AKT3: variants seen among roughly 807,000 people sequenced by gnomAD.
AKT3 encodes RAC-gamma serine/threonine-protein kinase.
AKT3 carries 15 observed loss-of-function variants against 65.3 expected under a neutral mutation model. That is an observed-to-expected ratio of 0.23 (90% CI 0.15 to 0.35). The LOEUF (loss-of-function observed/expected upper bound fraction) is 0.35, where lower values mean the gene tolerates loss of function less well. Among genes scored for constraint, AKT3 ranks in the 10% least tolerant of loss-of-function variants. The pLI, the probability that AKT3 is intolerant of heterozygous loss-of-function variation, is 1.00. For missense variants in AKT3, 243 were observed against 576.5 expected (o/e 0.42, Z 5.92); for synonymous variants, 206 against 183.8 (o/e 1.12, Z -0.98).
intron 2 of AKT3, among the ~76,000 whole-genome samples, chr1:243,784,993 G>A (rs899496091): frequency 6.6e-6 from 1 of 151,750 alleles, no homozygotes; most frequent in African/African-American, 2.4e-5. Flanking sequence ...TCAACTCCCG[G>A]CTTAAGTGAT....
chr1:243,801,253 T>C (rs1330370835), intron 2 of AKT3, among the ~76,000 whole-genome samples: 2 of 152,184 alleles, frequency 1.3e-5, no homozygotes, highest in South Asian at 2.1e-4. Context: ...TTAAAAACAA[T>C]TTCTATTATC....
chr1:243,558,144 T>C (rs1673530022), intron 10 of AKT3, among the ~76,000 whole-genome samples: 1 of 152,122 alleles, frequency 6.6e-6, no homozygotes, highest in Non-Finnish European at 1.5e-5. Flanking sequence ...TTGTTGGATT[T>C]AAAATAAAGA....
At chr1:243,529,008 G>A (rs893949325) in intron 12 of AKT3, among the ~76,000 whole-genome samples, 1 of 152,164 alleles carries the variant, frequency 6.6e-6, no homozygotes, top group Admixed American at 6.5e-5. Flanking sequence ...ACTGGTGTGA[G>A]ATGGTATCTC....
intron 8 of AKT3, among the ~76,000 whole-genome samples, chr1:243,582,465 A>G (rs896236246): frequency 7.1e-6 from 1 of 141,088 alleles, no homozygotes; most frequent in East Asian, 2.1e-4. Flanking sequence ...AAAAAAAAAA[A>G]AAAAAAGAAA....
At chr1:243,610,479 C>G (rs77302401) in intron 8 of AKT3, among the ~76,000 whole-genome samples, 1,529 of 152,224 alleles carry the variant, frequency 0.01, 28 homozygotes, top group African/African-American at 0.036. Context: ...ACACACAATA[C>G]CGTTTAAAAA....
chr1:243,685,175 T>C (rs1684202074), intron 3 of AKT3, among the ~76,000 whole-genome samples: 1 of 152,248 alleles, frequency 6.6e-6, no homozygotes, highest in South Asian at 2.1e-4. Flanking sequence ...CGTTTGTCAA[T>C]TTTGGCTTTT....
chr1:243,526,813 A>AAAAAAT (rs1671133712), intron 12 of AKT3, among the ~76,000 whole-genome samples: 1 of 143,480 alleles, frequency 7.0e-6, no homozygotes, highest in African/African-American at 2.6e-5. Flanking sequence ...AAAAAAAAAA[A>AAAAAAT]AATTTAGACT....
At chr1:243,627,574 G>C (rs767321244) in intron 6 of AKT3, among the ~76,000 whole-genome samples, 1 of 152,044 alleles carries the variant, frequency 6.6e-6, no homozygotes, top group Non-Finnish European at 1.5e-5. Flanking sequence ...ACATTATGAC[G>C]GTATCAGAAA....
At chr1:243,546,102 T>TA (rs1672654342) in intron 11 of AKT3, among the ~76,000 whole-genome samples, 1 of 152,162 alleles carries the variant, frequency 6.6e-6, no homozygotes, top group Non-Finnish European at 1.5e-5. Context: ...GTTCTCATGA[T>TA]AGTCAATAAG....
Position 243,715,866 on chromosome 1 carries a change from C to CAAAAG in AKT3, c.47-20151_47-20150insCTTTT, listed in dbSNP as rs1268721584. 3.9e-4 allele frequency among the ~76,000 whole-genome samples: 60 copies of CAAAAG among 151,992 alleles called. No homozygotes were observed. The South Asian group carries it at 0.012, about 30-fold the overall frequency. On this transcript the variant is annotated intron_variant, in intron 2 of 13. Coordinates refer to ENST00000673466, the MANE Select transcript of AKT3 (RefSeq NM_005465.7). ...AGGATATGTGTGTACACTGAATACT[C>CAAAAG]CATTTAGTGATAATACTTAGGGTAA... is the stretch of plus-strand genomic sequence containing the variant.
chr1:243,543,906 C>T (rs2148445207), intron 12 of AKT3, among the ~76,000 whole-genome samples: 1 of 152,136 alleles, frequency 6.6e-6, no homozygotes, highest in Admixed American at 6.6e-5. Flanking sequence ...CACCATACTC[C>T]CAGTAACCAA....
intron 13 of AKT3, among the ~76,000 whole-genome samples, chr1:243,494,423 C>T (rs552251167): frequency 2.6e-5 from 4 of 152,312 alleles, no homozygotes; most frequent in Non-Finnish European, 4.4e-5. Flanking sequence ...GCTAAAATGT[C>T]ATTAACTCCC....
At chr1:243,625,771 T>G (rs1180985596) in intron 6 of AKT3, among the ~76,000 whole-genome samples, 1 of 152,216 alleles carries the variant, frequency 6.6e-6, no homozygotes, top group Non-Finnish European at 1.5e-5. Flanking sequence ...GAGCAGTATC[T>G]TTGATTCTGA....
Position 243,812,365 on chromosome 1 carries a change from T to G in AKT3, c.46+30760A>C, listed in dbSNP as rs957779096. Among the ~76,000 whole-genome samples, 68 of 152,100 alleles carry G rather than the reference T, an allele frequency of 4.5e-4. 1 individual carries two copies. The highest frequency in any genetic ancestry group is 8.5e-4 in the Non-Finnish European group (58 of 68,018). ...ACCCCATCAACAAGTGGGTGAAGGA[T>G]ATGAACAGACACTTCTCAAAAGAAG... On this transcript the variant is annotated intron_variant, in intron 2 of 13. Transcript: ENST00000673466.
chr1:243,581,385 T>C (rs1031263596), intron 8 of AKT3, among the ~76,000 whole-genome samples: 4 of 152,146 alleles, frequency 2.6e-5, no homozygotes, highest in Non-Finnish European at 5.9e-5. Context: ...TGCAGTTAGC[T>C]CTTACCTCTA....
chr1:243,572,042 T>G (rs1574630384), intron 9 of AKT3, among the ~76,000 whole-genome samples: 2 of 152,212 alleles, frequency 1.3e-5, no homozygotes, highest in Admixed American at 1.3e-4. Context: ...GTGTCAAATT[T>G]TATACACAAT....
chr1:243,625,082 C>A, intron 6 of AKT3: 1 of 258,940 alleles, frequency 3.9e-6, no homozygotes, highest in Admixed American at 4.0e-5. Flanking sequence ...ACTTTAGAGA[C>A]AGAAGTGAGG....
rs1558675863 is a variant in AKT3, at chr1:243,641,336, T to TA, written c.430-3595dup. On this transcript the variant is annotated intron_variant, in intron 5 of 13. Transcript: ENST00000673466. ...TATACACACATATATATATATATATTATTAATTCTGTCCCTCTAGAGAACC... is the reference window on the plus strand; with the variant it reads ...TATACACACATATATATATATATATTAATTAATTCTGTCCCTCTAGAGAACC... Among the ~76,000 whole-genome samples, 133 of 149,798 alleles carry TA rather than the reference T, an allele frequency of 8.9e-4. 1 individual carries two copies. The highest frequency in any genetic ancestry group is 3.0e-3 in the African/African-American group (123 of 40,520).
At chr1:243,799,295 C>T (rs1232607189) in intron 2 of AKT3, among the ~76,000 whole-genome samples, 1 of 152,142 alleles carries the variant, frequency 6.6e-6, no homozygotes, top group Non-Finnish European at 1.5e-5. Context: ...ATAATAGAAC[C>T]TCAATTAATG....
Sources: allele counts gnomAD v4.1 joint callset (sites outside exome capture counted in the v4.1 genomes callset), GRCh38; gene constraint gnomAD v4.1.1; transcripts MANE v1.5; gene names NCBI Gene and HGNC (gene_info 2026-07-23, HGNC 2026-07-21).